Variants in LRRC4C observed in about 807,000 individuals in gnomAD.
The protein encoded by LRRC4C is leucine-rich repeat-containing protein 4C.
LRRC4C carries 5 observed loss-of-function variants against 33.6 expected under a neutral mutation model. That is an observed-to-expected ratio of 0.15 (90% CI 0.08 to 0.31). The LOEUF (loss-of-function observed/expected upper bound fraction) is 0.31, where lower values mean the gene tolerates loss of function less well. LRRC4C is among the 10% of genes least tolerant of loss of function. LRRC4C has a pLI of 1.00. For synonymous variants in LRRC4C, 329 were observed against 302.0 expected, an observed-to-expected ratio of 1.09 and a Z score of -0.93; for missense variants, 560 against 796.7, an observed-to-expected ratio of 0.70 and a Z score of 3.58.
intron 1 of LRRC4C, among the ~76,000 whole-genome samples, chr11:41,262,211 A>T (rs1372068813): frequency 2.0e-5 from 3 of 152,054 alleles, no homozygotes; most frequent in Admixed American, 2.0e-4. Context: ...GAAAAAAATT[A>T]AAAAATTTTC....
intron 3 of LRRC4C, among the ~76,000 whole-genome samples, chr11:40,604,626 A>G (rs1009541922): frequency 6.6e-6 from 1 of 152,128 alleles, no homozygotes; most frequent in East Asian, 1.9e-4. Flanking sequence ...CAAAATAATA[A>G]TAACCTATAC....
intron 1 of LRRC4C, among the ~76,000 whole-genome samples, chr11:41,010,920 G>T (rs569609170): frequency 6.0e-4 from 91 of 152,220 alleles, no homozygotes; most frequent in Non-Finnish European, 2.2e-4. Flanking sequence ...TGTAAGGATT[G>T]AAAATATTGG....
At chr11:41,217,136 CA>C (rs1947096666) in intron 1 of LRRC4C, among the ~76,000 whole-genome samples, 1 of 152,052 alleles carries the variant, frequency 6.6e-6, no homozygotes, top group Non-Finnish European at 1.5e-5. Flanking sequence ...TTTGGATTTC[CA>C]AAATTTTGGC....
chr11:40,551,527 T>C (rs1565497011), intron 3 of LRRC4C, among the ~76,000 whole-genome samples: 1 of 152,156 alleles, frequency 6.6e-6, no homozygotes, highest in Non-Finnish European at 1.5e-5. Context: ...TCCATTTTCC[T>C]AGATATCCAC....
chr11:40,500,258 T>A (rs1954679320), intron 3 of LRRC4C, among the ~76,000 whole-genome samples: 1 of 133,288 alleles, frequency 7.5e-6, no homozygotes, highest in African/African-American at 2.8e-5. Context: ...CTAGACCACA[T>A]AACCTAATGT....
At chr11:41,259,110 A>T (rs1948893794) in intron 1 of LRRC4C, among the ~76,000 whole-genome samples, 1 of 151,966 alleles carries the variant, frequency 6.6e-6, no homozygotes, top group Non-Finnish European at 1.5e-5. Flanking sequence ...AATCAGTAAC[A>T]GTTGATTTTG....
chr11:40,522,976 C>T (rs1007867315), intron 3 of LRRC4C, among the ~76,000 whole-genome samples: 3 of 152,042 alleles, frequency 2.0e-5, no homozygotes, highest in Admixed American at 6.6e-5. Flanking sequence ...TTAATTCCAC[C>T]TTTTGGCTAT....
intron 1 of LRRC4C, among the ~76,000 whole-genome samples, chr11:41,195,385 TA>T (rs1376603070): frequency 1.3e-5 from 2 of 152,042 alleles, no homozygotes; most frequent in African/African-American, 2.4e-5. Context: ...TAAAGCCATT[TA>T]AAAAAACAAA....
At chr11:40,180,570 A>AT (rs1028367600) in intron 5 of LRRC4C, among the ~76,000 whole-genome samples, 4 of 152,118 alleles carry the variant, frequency 2.6e-5, no homozygotes, top group Non-Finnish European at 5.9e-5. Context: ...TTCTGGGATG[A>AT]TTTTTTTGTT....
intron 5 of LRRC4C, among the ~76,000 whole-genome samples, chr11:40,239,934 T>A (rs1330330195): frequency 6.6e-6 from 1 of 152,172 alleles, no homozygotes; most frequent in Non-Finnish European, 1.5e-5. Context: ...ACCAGCAGCA[T>A]CAGCATCACG....
chr11:40,265,742 T>C (rs1321715624), intron 4 of LRRC4C, among the ~76,000 whole-genome samples: 1 of 152,170 alleles, frequency 6.6e-6, no homozygotes, highest in African/African-American at 2.4e-5. Flanking sequence ...AAGTATGTGG[T>C]CCGTATTTGA....
intron 3 of LRRC4C, among the ~76,000 whole-genome samples, chr11:40,343,107 C>T (rs1054441924): frequency 6.6e-5 from 10 of 151,972 alleles, no homozygotes; most frequent in Admixed American, 3.3e-4. Context: ...GTAAATACTA[C>T]ACAATTGAAG....
At chr11:40,249,049 G>C (rs1866562542) in intron 4 of LRRC4C, among the ~76,000 whole-genome samples, 1 of 151,934 alleles carries the variant, frequency 6.6e-6, no homozygotes, top group Non-Finnish European at 1.5e-5. Context: ...ATAATCTCTT[G>C]GTTGGAGGCT....
chr11:40,457,233 A>T (rs1199663497), intron 3 of LRRC4C, among the ~76,000 whole-genome samples: 3 of 152,036 alleles, frequency 2.0e-5, no homozygotes, highest in South Asian at 4.2e-4. Context: ...GAACAATTAT[A>T]AAAAAATTTA....
rs12282666 is a variant in LRRC4C, at chr11:40,178,984, C to T, written c.-95-38131G>A. On this transcript the variant is annotated intron_variant, in intron 5 of 6. Coordinates refer to ENST00000528697, the MANE Select transcript of LRRC4C (RefSeq NM_001258419.2). ...ACCACTCACACTTGAAAAGCTATCC[C>T]TTATTTTTTTTTCTTAACTTTCTTT... 6.5e-3 allele frequency among the ~76,000 whole-genome samples: 958 copies of T among 147,738 alleles called. 13 individuals are homozygous for T. Among genetic ancestry groups the T allele is most frequent in the African/African-American group, 0.023 (912 of 40,286 alleles).
chr11:41,193,502 C>G (rs1422286347), intron 1 of LRRC4C, among the ~76,000 whole-genome samples: 1 of 152,126 alleles, frequency 6.6e-6, no homozygotes, highest in African/African-American at 2.4e-5. Flanking sequence ...TGAAACCCAT[C>G]AAGCTAGGAA....
At chr11:40,995,982 A>G (rs190033172) in intron 1 of LRRC4C, among the ~76,000 whole-genome samples, 116 of 152,314 alleles carry the variant, frequency 7.6e-4, no homozygotes, top group Non-Finnish European at 8.8e-5. Flanking sequence ...TTTTTGATAC[A>G]GGATAGAAAG....
At chr11:40,740,193 G>A (rs2136896556) in intron 2 of LRRC4C, among the ~76,000 whole-genome samples, 1 of 151,850 alleles carries the variant, frequency 6.6e-6, no homozygotes, top group South Asian at 2.1e-4. Context: ...TAGGATTCCT[G>A]GATCCTATGG....
chr11:41,093,944 A>AC (rs1224204979), intron 1 of LRRC4C, among the ~76,000 whole-genome samples: 4 of 150,236 alleles, frequency 2.7e-5, no homozygotes, highest in East Asian at 2.0e-4. Flanking sequence ...AAAAAAAAAA[A>AC]AAAAAACACA....
Sources: gnomAD v4.1 joint callset for allele counts (sites outside exome capture counted in the v4.1 genomes callset) on GRCh38, gnomAD v4.1.1 for gene constraint, MANE v1.5 for transcripts, NCBI Gene and HGNC (gene_info 2026-07-23, HGNC 2026-07-21) for gene names.